Variants in ZNF460 observed in about 807,000 individuals in gnomAD.
ZNF460 encodes the protein zinc finger protein 272.
A neutral mutation model predicts 8.4 loss-of-function variants in ZNF460; 1 was observed. That is an observed-to-expected ratio of 0.12 (90% CI 0.04 to 0.56). The LOEUF is 0.56. Among genes scored for constraint, ZNF460 ranks in the 20% least tolerant of loss-of-function variants. The probability of loss-of-function intolerance (pLI) is 0.91; values close to 1 mark genes in which losing one functional copy is unlikely to be tolerated. For synonymous variants in ZNF460, 262 were observed against 259.9 expected (o/e 1.01, Z -0.08); for missense variants, 477 against 714.8 (o/e 0.67, Z 3.79).
intron 2 of ZNF460, among the ~76,000 whole-genome samples, chr19:57,285,058 C>G (rs1156979015): frequency 9.9e-5 from 15 of 152,098 alleles, no homozygotes; most frequent in Admixed American, 6.6e-5. Flanking sequence ...TCAAGTGATC[C>G]ACCCACCTCA....
At chr19:57,283,257 C>T (rs1294248316) in intron 1 of ZNF460, among the ~76,000 whole-genome samples, 2 of 151,720 alleles carry the variant, frequency 1.3e-5, no homozygotes, top group Non-Finnish European at 1.5e-5. Context: ...GCAACCATCG[C>T]CTCCGACGTT....
chr19:57,291,039 A>G lies in ZNF460; in HGVS notation c.498A>G (p.Glu166=), dbSNP rs1469308429. The G allele has an allele frequency of 1.2e-6, 2 of 1,614,212 alleles. No homozygotes were observed. Among genetic ancestry groups the G allele is most frequent in the East Asian group, 2.2e-5 (1 of 44,890 alleles). ...CAGTTACAGATTCCTTGATTCATGA[A>G]GGGGAAAATTCCTATAAATTCGAGG... is the stretch of plus-strand genomic sequence containing the variant. ...YGPVTDSLIH[E]GENSYKFEEM... Residue 166 remains glutamate, a synonymous_variant, in exon 3 of 3, where the codon GAA becomes GAG. Transcript: ENST00000360338. The surrounding 1 kb of genome is among the most constrained non-coding windows in gnomAD (Gnocchi z 8.4).
chr19:57,286,728 G>T lies in ZNF460; in HGVS notation c.157+2051G>T, dbSNP rs2087881815. ...TGTAATCCCAGCACTTTGGGAGGCT[G>T]AGGCGGGTGGATCTCCTGAGGTCAG... is the stretch of plus-strand genomic sequence containing the variant. On this transcript the variant is annotated intron_variant, in intron 2 of 2. Transcript: ENST00000360338. Among the ~76,000 whole-genome samples, 5 of 151,300 alleles carry T rather than the reference G, an allele frequency of 3.3e-5. No homozygotes were observed. The South Asian group carries it at 1.0e-3, about 31-fold the overall frequency.
chr19:57,280,639 C>G lies in ZNF460; in HGVS notation c.-168C>G, dbSNP rs2087830546. On this transcript the variant is annotated 5_prime_UTR_variant, in exon 1 of 3. Transcript: ENST00000360338. ...GTGTCCCACCGGCGCCCGCCGAGGCCTAGGCCTCCGCAGCCGCCCTCCGTC... is the reference window on the plus strand; with the variant it reads ...GTGTCCCACCGGCGCCCGCCGAGGCGTAGGCCTCCGCAGCCGCCCTCCGTC... 3.1e-6 allele frequency: 3 copies of G among 978,250 alleles called. No homozygotes were observed. The highest frequency in any genetic ancestry group is 3.3e-5 in the South Asian group (2 of 60,150). The allele number at this position is 978,250 out of a possible 1,614,324, so 60.6% of individuals were successfully genotyped here. A position where few individuals can be genotyped will look rare whatever the true frequency, so the allele number is the denominator to read the frequency against.
Position 57,291,458 on chromosome 19 carries a change from A to C in ZNF460, c.917A>C (p.Lys306Thr). ...VLHNKSHNEK[K>T]PFACSECGKG... ...CATAACAAGAGCCACAATGAGAAGA[A>C]ACCCTTCGCATGCAGCGAATGTGGA... Residue 306 changes from lysine to threonine, a missense_variant, in exon 3 of 3, where the codon AAA (lysine) becomes ACA (threonine). By Grantham distance (78) the Lys-to-Thr change is moderately conservative. This residue lies in a region of ZNF460 where 193 missense variants were observed against 391.7 expected (regional missense o/e 0.49). Coordinates refer to ENST00000360338, the MANE Select transcript of ZNF460 (RefSeq NM_006635.4). The surrounding 1 kb of genome is among the most constrained non-coding windows in gnomAD (Gnocchi z 8.4). The C allele has an allele frequency of 6.2e-7, 1 of 1,614,020 alleles. No homozygotes were observed. Among genetic ancestry groups the C allele is most frequent in the Non-Finnish European group, 8.5e-7 (1 of 1,179,922 alleles).
chr19:57,284,670 C>G lies in ZNF460; in HGVS notation c.150C>G (p.Val50=). The G allele has an allele frequency of 1.9e-6, 3 of 1,610,000 alleles. No homozygotes were observed. The highest frequency in any genetic ancestry group is 1.1e-5 in the South Asian group (1 of 90,608). ...EVMLETCGLL[V]ALGDSTKPET... ...TGCTGGAGACCTGTGGGCTTCTGGT[C>G]GCACTGGGTAAGGCCTGTCCTCTCC... Residue 50 remains valine, a synonymous_variant, in exon 2 of 3, where the codon GTC becomes GTG. Coordinates refer to ENST00000360338, the MANE Select transcript of ZNF460 (RefSeq NM_006635.4).
chr19:57,290,445 T>G (rs1376505970), intron 2 of ZNF460, among the ~76,000 whole-genome samples: 3 of 151,990 alleles, frequency 2.0e-5, no homozygotes, highest in African/African-American at 7.2e-5. Flanking sequence ...GCCTGGCTAA[T>G]TTTTGTATTT....
rs193224398 is a variant in ZNF460, at chr19:57,286,050, C to G, written c.157+1373C>G. ...ATACCCATGCCAGTGCAGAAAAGTG[C>G]CTCAATTTTCTCATGGGTAAAATGG... On this transcript the variant is annotated intron_variant, in intron 2 of 2. Coordinates refer to ENST00000360338, the MANE Select transcript of ZNF460 (RefSeq NM_006635.4). 1.5e-3 allele frequency among the ~76,000 whole-genome samples: 231 copies of G among 152,188 alleles called. 1 individual carries two copies. Among genetic ancestry groups the G allele is most frequent in the African/African-American group, 4.6e-3 (192 of 41,506 alleles).
At position 57,291,572 on chromosome 19, in the gene ZNF460, C is replaced by G; in HGVS notation, c.1031C>G (p.Ala344Gly). The G allele has an allele frequency of 6.2e-7, 1 of 1,612,828 alleles. No homozygotes were observed. Among genetic ancestry groups the G allele is most frequent in the South Asian group, 1.1e-5 (1 of 90,996 alleles). ...TTTAAGTGCCTTGAGTGTGGGAAGG[C>G]CTTCAACTGCAGGTCACACCTCAAG... ...RPFKCLECGKAFNCRSHLKQH... is the reference protein window; with the variant it reads ...RPFKCLECGKGFNCRSHLKQH... The change falls in exon 3 of 3, where the codon GCC becomes GGC. Residue 344 changes from alanine to glycine, a missense_variant. Physicochemically the swap from Ala to Gly is moderately conservative, Grantham distance 60. Coordinates refer to ENST00000360338, the MANE Select transcript of ZNF460 (RefSeq NM_006635.4). The surrounding 1 kb of genome is among the most constrained non-coding windows in gnomAD (Gnocchi z 8.4).
At chr19:57,286,288 A>T (rs1051116301) in intron 2 of ZNF460, among the ~76,000 whole-genome samples, 1 of 152,078 alleles carries the variant, frequency 6.6e-6, no homozygotes, top group African/African-American at 2.4e-5. Context: ...TATTAATATT[A>T]TATCTACTGT....
chr19:57,286,942 C>T (rs1429428711), intron 2 of ZNF460, among the ~76,000 whole-genome samples: 2 of 136,870 alleles, frequency 1.5e-5, no homozygotes, highest in East Asian at 4.2e-4. Context: ...CCAGTCTGGG[C>T]GAAGAAGGAG....
rs1219215376 is a variant in ZNF460 at position 57,291,721 on chromosome 19, T to G, written c.1180T>G (p.Cys394Gly). 1.9e-6 allele frequency: 3 copies of G among 1,614,166 alleles called. No homozygotes were observed. Residue 394 changes from cysteine (C) to glycine (G), a missense_variant, in exon 3 of 3, where the codon TGC becomes GGC. By Grantham distance (159) the Cys-to-Gly change is radical (BLOSUM62 -3). Transcript: ENST00000360338. This position sits in a 1 kb window ranked among gnomAD's most constrained non-coding sequence, Gnocchi z 8.4. Reference sequence around the variant, plus strand: ...CCACACTGGAGAAAAGCCTTTTGAGTGCAAAGAATGTGGGAAAGCCTTTAG... The same window carrying G: ...CCACACTGGAGAAAAGCCTTTTGAGGGCAAAGAATGTGGGAAAGCCTTTAG... ...RAHTGEKPFE[C>G]KECGKAFSIR... is the part of the protein sequence containing the mutation.
intron 2 of ZNF460, among the ~76,000 whole-genome samples, chr19:57,287,069 G>A (rs2122889638): frequency 6.6e-6 from 1 of 152,078 alleles, no homozygotes; most frequent in South Asian, 2.1e-4. Flanking sequence ...TCCTCATCAG[G>A]GTTTTATGCC....
chr19:57,291,733 G>A lies in ZNF460; in HGVS notation c.1192G>A (p.Gly398Arg). 1 of 1,614,158 alleles carries A rather than the reference G, an allele frequency of 6.2e-7. No individual in the cohort carries two copies. The highest frequency in any genetic ancestry group is 8.5e-7 in the Non-Finnish European group (1 of 1,180,024). The change falls in exon 3 of 3, where the codon GGG becomes AGG. Residue 398 changes from glycine to arginine, a missense_variant. Gly to Arg is a moderately radical substitution (Grantham distance 125). This residue lies in a region of ZNF460 where 193 missense variants were observed against 391.7 expected (regional missense o/e 0.49). Transcript: ENST00000360338. The surrounding 1 kb of genome is among the most constrained non-coding windows in gnomAD (Gnocchi z 8.4). ...AAAGCCTTTTGAGTGCAAAGAATGT[G>A]GGAAAGCCTTTAGCATTCGAAAAGA... ...GEKPFECKECGKAFSIRKDLI... is the reference protein window; with the variant it reads ...GEKPFECKECRKAFSIRKDLI...
At chr19:57,289,756 A>T (rs949967093) in intron 2 of ZNF460, among the ~76,000 whole-genome samples, 2 of 151,954 alleles carry the variant, frequency 1.3e-5, no homozygotes, top group African/African-American at 4.8e-5. Flanking sequence ...TAATCCCAGC[A>T]CTTTGGAGGC....
intron 2 of ZNF460, among the ~76,000 whole-genome samples, chr19:57,289,992 T>G (rs145458448): frequency 0.014 from 2,180 of 151,878 alleles, 61 homozygotes; most frequent in African/African-American, 0.05. Context: ...ACAAAAAAAT[T>G]AGCCCAGCAT....
intron 2 of ZNF460, 98 bp downstream of exon 2, chr19:57,284,775 T>G (rs1469587360): frequency 3.8e-6 from 5 of 1,329,840 alleles, no homozygotes; most frequent in Non-Finnish European, 4.9e-6. Context: ...GGAATAGGTC[T>G]TGGGAGCCAG....
chr19:57,291,077 A>G lies in ZNF460; in HGVS notation c.536A>G (p.Glu179Gly). Reference sequence around the variant, plus strand: ...TATAAATTCGAGGAAATGTTTAATGAGAATTGCTTCCTTGTTCAGCATGAG... The same window carrying G: ...TATAAATTCGAGGAAATGTTTAATGGGAATTGCTTCCTTGTTCAGCATGAG... Reference protein sequence around the residue: ...NSYKFEEMFNENCFLVQHEQI... With the variant: ...NSYKFEEMFNGNCFLVQHEQI... Residue 179 changes from glutamate to glycine, a missense_variant, in exon 3 of 3, where the codon GAG (glutamate) becomes GGG (glycine). Around this residue, in one of 5 missense-constraint regions of ZNF460, gnomAD observed 169 missense variants for 178.6 expected, o/e 0.95. Coordinates refer to ENST00000360338, the MANE Select transcript of ZNF460 (RefSeq NM_006635.4). This position sits in a 1 kb window ranked among gnomAD's most constrained non-coding sequence, Gnocchi z 8.4. The G allele has an allele frequency of 1.2e-6, 2 of 1,614,232 alleles. No homozygotes were observed. Among genetic ancestry groups the G allele is most frequent in the African/African-American group, 1.3e-5 (1 of 75,062 alleles).
chr19:57,281,236 TC>T (rs940199463), intron 1 of ZNF460, among the ~76,000 whole-genome samples: 1 of 152,176 alleles, frequency 6.6e-6, no homozygotes, highest in African/African-American at 2.4e-5. Context: ...TCCTTGCACT[TC>T]CTTTTACTTC....
Sources: allele counts gnomAD v4.1 joint callset (sites outside exome capture counted in the v4.1 genomes callset), GRCh38; gene constraint gnomAD v4.1.1; regional missense constraint gnomAD v4.1.1; non-coding constraint Gnocchi (gnomAD v3.1); transcripts MANE v1.5; gene names NCBI Gene and HGNC (gene_info 2026-07-23, HGNC 2026-07-21).